Variants in PTRH1 observed in about 807,000 individuals in gnomAD.
PTRH1 encodes peptidyl-tRNA hydrolase 1 homolog.
Under a neutral mutation model 15.7 loss-of-function variants are expected in PTRH1, and 13 were observed. That is an observed-to-expected ratio of 0.83 (90% confidence interval 0.54 to 1.31). The LOEUF (loss-of-function observed/expected upper bound fraction) is 1.31. Among genes scored for constraint, PTRH1 ranks in the 40% most tolerant of loss-of-function variants. The pLI is 0.00. For missense variants in PTRH1, 319 were observed against 296.2 expected (o/e 1.08, Z -0.56); for synonymous variants, 139 against 136.7 (o/e 1.02, Z -0.12).
intron 1 of PTRH1, among the ~76,000 whole-genome samples, chr9:127,702,670 C>CTGTG (rs1239978531): frequency 2.0e-5 from 3 of 152,070 alleles, no homozygotes; most frequent in Non-Finnish European, 4.4e-5. Context: ...TGACATGAGC[C>CTGTG]TGTGACGTTG....
rs771007236 is a variant in PTRH1, at chr9:127,713,929, C to A, written c.*171G>T. On this transcript the variant is annotated 3_prime_UTR_variant, in exon 5 of 5. Transcript: ENST00000543175. ...AGGACACAGAGAGAAGAACCTACTC[C>A]AGAAATGGACTGGTCCAGTCACAGT... 4 of 1,604,662 alleles carry A rather than the reference C, an allele frequency of 2.5e-6. No homozygotes were observed. Among genetic ancestry groups the A allele is most frequent in the Admixed American group, 1.7e-5 (1 of 59,994 alleles).
Position 127,715,264 on chromosome 9 carries a change from G to A in PTRH1, c.97-70C>T, listed in dbSNP as rs774144633. ...CCCCCGATCTCACAGCGTCCCGTGG[G>A]CCCCAACGCAGAGGAGCGGAAACGC... On this transcript the variant is annotated intron_variant, in intron 1 of 4. Coordinates refer to ENST00000543175, the MANE Select transcript of PTRH1 (RefSeq NM_001002913.3). This position sits in a 1 kb window ranked among gnomAD's most constrained non-coding sequence, Gnocchi z 5.8. The A allele has an allele frequency of 1.6e-5, 23 of 1,478,028 alleles. No individual in the cohort carries two copies. The South Asian group carries it at 1.9e-4, about 12-fold the overall frequency. 91.6% of individuals were successfully genotyped at this position (1,478,028 alleles called of 1,614,324 possible). A position where few individuals can be genotyped will look rare whatever the true frequency, so the allele number is the denominator to read the frequency against.
chr9:127,707,283 G>A (rs1179793988), intron 1 of PTRH1: 33 of 1,425,476 alleles, frequency 2.3e-5, no homozygotes, highest in Non-Finnish European at 3.0e-5. Context: ...GGGGCCTTAG[G>A]CCTGTGTTCT....
downstream of PTRH1, chr9:127,712,639 T>G: frequency 6.2e-7 from 1 of 1,612,406 alleles, no homozygotes; most frequent in Non-Finnish European, 8.5e-7. Context: ...GCACTGAGGT[T>G]GGAATTTCCT....
At chr9:127,712,907 C>T (rs746219770), downstream of PTRH1, 11 of 1,596,632 alleles carry the variant, frequency 6.9e-6, no homozygotes, top group Non-Finnish European at 9.4e-6. Flanking sequence ...GCCTCAGAGG[C>T]AGCCACAGAG....
downstream of PTRH1, among the ~76,000 whole-genome samples, chr9:127,708,876 T>G (rs1316668005): frequency 6.6e-6 from 1 of 152,162 alleles, no homozygotes; most frequent in East Asian, 1.9e-4. Flanking sequence ...GTACAAAGAC[T>G]TGGGATTGGA....
downstream of PTRH1, chr9:127,713,772 G>A: frequency 1.4e-6 from 2 of 1,419,718 alleles, no homozygotes; most frequent in South Asian, 2.3e-5. Flanking sequence ...CTCCCAAAGT[G>A]CTGGGATTAT....
downstream of PTRH1, chr9:127,711,327 A>G (rs1842761229): frequency 1.2e-6 from 2 of 1,614,208 alleles, no homozygotes; most frequent in Non-Finnish European, 1.7e-6. Flanking sequence ...CGGGCCATCA[A>G]AGAGAACAAC....
intron 3 of PTRH1, 25 bp from the exon 4 acceptor site, chr9:127,714,449 T>G (rs766063958): frequency 3.7e-6 from 6 of 1,613,558 alleles, no homozygotes; most frequent in Non-Finnish European, 5.1e-6. Context: ...GGAGGGGCAG[T>G]TAGTGCCTCC....
chr9:127,715,271 C>T lies in PTRH1; in HGVS notation c.97-77G>A. 10 of 1,456,026 alleles carry T rather than the reference C, an allele frequency of 6.9e-6. No individual in the cohort carries two copies. Among genetic ancestry groups the T allele is most frequent in the Middle Eastern group, 1.7e-4 (1 of 5,840 alleles). 90.2% of individuals were successfully genotyped at this position (1,456,026 alleles called of 1,614,324 possible). A position where few individuals can be genotyped will look rare whatever the true frequency, so the allele number is the denominator to read the frequency against. The stretch of plus-strand genomic sequence containing the variant: ...TCTCACAGCGTCCCGTGGGCCCCAA[C>T]GCAGAGGAGCGGAAACGCAGAGCAA... On this transcript the variant is annotated intron_variant, in intron 1 of 4. Coordinates refer to ENST00000543175, the MANE Select transcript of PTRH1 (RefSeq NM_001002913.3). The surrounding 1 kb of genome is among the most constrained non-coding windows in gnomAD (Gnocchi z 5.8).
chr9:127,713,468 A>G, downstream of PTRH1: 1 of 365,868 alleles, frequency 2.7e-6, no homozygotes, highest in Non-Finnish European at 4.8e-6. Flanking sequence ...CCCCCTGAAG[A>G]GGCCTCAGCT....
At chr9:127,710,910 A>G (rs549250735), downstream of PTRH1, among the ~76,000 whole-genome samples, 1 of 152,096 alleles carries the variant, frequency 6.6e-6, no homozygotes, top group South Asian at 2.1e-4. Flanking sequence ...CCAGCTGGTG[A>G]TTATGGAGGG....
intron 1 of PTRH1, among the ~76,000 whole-genome samples, chr9:127,700,525 C>T (rs1463174891): frequency 3.3e-5 from 5 of 152,144 alleles, no homozygotes; most frequent in Admixed American, 6.5e-5. Flanking sequence ...ATGGGGGGGT[C>T]AGACATGCCT....
At chr9:127,695,792 C>T (rs1359591430) in intron 1 of PTRH1, 1 of 152,172 alleles carries the variant, frequency 6.6e-6, no homozygotes, top group Non-Finnish European at 1.5e-5. Flanking sequence ...CCGTAGTAAC[C>T]GTGGCAAACC....
chr9:127,712,896 G>A (rs781288795), downstream of PTRH1: 19 of 1,599,950 alleles, frequency 1.2e-5, no homozygotes, highest in Admixed American at 3.1e-4. Context: ...GGCCCTGTGT[G>A]GCCTCAGAGG....
downstream of PTRH1, chr9:127,710,586 C>A: frequency 6.4e-7 from 1 of 1,570,346 alleles, no homozygotes; most frequent in Non-Finnish European, 8.6e-7. Flanking sequence ...GGGCCTTGTG[C>A]GCTGTGGCGG....
At chr9:127,714,941 G>GGCCCCCCCCCCCCCCCCC in intron 2 of PTRH1, 34 bp downstream of exon 2, 6 of 446,376 alleles carry the variant, frequency 1.3e-5, no homozygotes, top group Non-Finnish European at 2.0e-5. Flanking sequence ...CACCCCCTTG[G>GGCCCCCCCCCCCCCCCCC]CCCGCCCGCC....
downstream of PTRH1, chr9:127,712,573 T>C: frequency 6.4e-7 from 1 of 1,555,636 alleles, no homozygotes; most frequent in Middle Eastern, 1.7e-4. Flanking sequence ...GGCCTCAGTC[T>C]TCCCGACTGA....
At chr9:127,708,193 T>G (rs1453038209) in intron 1 of PTRH1, among the ~76,000 whole-genome samples, 1 of 152,174 alleles carries the variant, frequency 6.6e-6, no homozygotes, top group Non-Finnish European at 1.5e-5. Flanking sequence ...AAAACAACTT[T>G]CCAGGCCAGG....
Sources: allele counts gnomAD v4.1 joint callset (sites outside exome capture counted in the v4.1 genomes callset), GRCh38; gene constraint gnomAD v4.1.1; non-coding constraint Gnocchi (gnomAD v3.1); transcripts MANE v1.5; gene names NCBI Gene and HGNC (gene_info 2026-07-23, HGNC 2026-07-21).